The following ATG7 variants were observed in gnomAD, a reference collection of about 807,000 sequenced individuals.
ATG7 encodes the protein autophagy related 7.
A neutral mutation model predicts 82.4 loss-of-function variants in ATG7; 70 were observed. The observed-to-expected ratio is 0.85, with a 90% CI of 0.70 to 1.04. ATG7 has a LOEUF of 1.04. ATG7 is among the 50% of genes least tolerant of loss of function. The probability of loss-of-function intolerance (pLI) is 0.00; values close to 1 mark genes in which losing one functional copy is unlikely to be tolerated. For synonymous variants in ATG7, 287 were observed against 313.0 expected (o/e 0.92, Z 0.88); for missense variants, 792 against 864.3 (o/e 0.92, Z 1.05).
At chr3:11,353,322 G>C (rs1168633144) in intron 14 of ATG7, among the ~76,000 whole-genome samples, 1 of 152,090 alleles carries the variant, frequency 6.6e-6, no homozygotes. Flanking sequence ...GCGTGCACCT[G>C]TAGTCCCAGC....
intron 20 of ATG7, among the ~76,000 whole-genome samples, chr3:11,546,568 G>T (rs2071309752): frequency 6.6e-6 from 1 of 152,202 alleles, no homozygotes; most frequent in South Asian, 2.1e-4. Context: ...GTTTATAAAA[G>T]AAGAACCTTA....
At chr3:11,518,342 T>C (rs925782964) in intron 20 of ATG7, among the ~76,000 whole-genome samples, 1 of 152,118 alleles carries the variant, frequency 6.6e-6, no homozygotes, top group African/African-American at 2.4e-5. Flanking sequence ...GTCAAAGAGA[T>C]CGAGACCAGC....
intron 19 of ATG7, among the ~76,000 whole-genome samples, chr3:11,413,668 A>AT (rs772987914): frequency 5.3e-5 from 8 of 152,236 alleles, no homozygotes; most frequent in Non-Finnish European, 1.2e-4. Context: ...TTTTGCATTA[A>AT]TTTATAAGTG....
intron 15 of ATG7, 39 bp from the exon 16 acceptor site, chr3:11,360,542 G>A (rs1226804322): frequency 6.3e-7 from 1 of 1,580,410 alleles, no homozygotes; most frequent in East Asian, 2.2e-5. Flanking sequence ...AAATATATGT[G>A]TCTTTTAACT....
At chr3:11,299,541 C>A in intron 5 of ATG7, 125 bp downstream of exon 5, 2 of 930,236 alleles carry the variant, frequency 2.1e-6, no homozygotes, top group Non-Finnish European at 3.4e-6. Flanking sequence ...GCAGAGTCAG[C>A]CCCCCTCATG....
At chr3:11,426,657 T>A in intron 19 of ATG7, 147 bp from the exon 20 acceptor site, 2 of 647,344 alleles carry the variant, frequency 3.1e-6, no homozygotes, top group Non-Finnish European at 4.6e-6. Flanking sequence ...GCCGTACTAG[T>A]TTTTTGGCCA....
intron 11 of ATG7, among the ~76,000 whole-genome samples, chr3:11,337,496 A>G (rs925528367): frequency 6.6e-6 from 1 of 151,624 alleles, no homozygotes; most frequent in Non-Finnish European, 1.5e-5. Context: ...CTCTATATAT[A>G]TATATATAAT....
At chr3:11,279,838 G>C (rs968174418) in intron 1 of ATG7, among the ~76,000 whole-genome samples, 1 of 151,934 alleles carries the variant, frequency 6.6e-6, no homozygotes, top group African/African-American at 2.4e-5. Flanking sequence ...AGGCTATACT[G>C]TATTTGTTTT....
chr3:11,329,217 G>T (rs915786323), intron 9 of ATG7, among the ~76,000 whole-genome samples: 1 of 152,328 alleles, frequency 6.6e-6, no homozygotes, highest in East Asian at 1.9e-4. Flanking sequence ...TATACACCAA[G>T]ATGTTAATAG....
At chr3:11,423,316 C>G (rs1201546514) in intron 19 of ATG7, among the ~76,000 whole-genome samples, 1 of 152,134 alleles carries the variant, frequency 6.6e-6, no homozygotes, top group Admixed American at 6.6e-5. Flanking sequence ...TCAAAGACCA[C>G]TGATCACAGA....
intron 20 of ATG7, among the ~76,000 whole-genome samples, chr3:11,481,992 C>T (rs942783081): frequency 3.3e-5 from 5 of 152,152 alleles, no homozygotes; most frequent in African/African-American, 1.2e-4. Flanking sequence ...CCTTGAGGCT[C>T]CTCCTGTGAC....
intron 20 of ATG7, among the ~76,000 whole-genome samples, chr3:11,545,244 G>T (rs77328700): frequency 0.014 from 2,096 of 152,322 alleles, 42 homozygotes; most frequent in African/African-American, 0.048. Context: ...TGTGCAAGGG[G>T]AAGATTTTGA....
At chr3:11,412,349 G>A (rs1010631742) in intron 19 of ATG7, among the ~76,000 whole-genome samples, 2 of 151,280 alleles carry the variant, frequency 1.3e-5, no homozygotes, top group African/African-American at 4.9e-5. Context: ...AGCTTTAACA[G>A]CAGAAGGGTC....
At position 11,440,518 on chromosome 3, in the gene ATG7, G is replaced by T. The variant is rs200951717; in HGVS notation, c.2079+13592G>T. On this transcript the variant is annotated intron_variant, in intron 20 of 20. Transcript: ENST00000693202. Reference sequence around the variant, plus strand: ...TTTTTGTATTTTTAGTAGAGACGGGGTTTCACCGTTTTAGCCGGGATGGTC... The same window carrying T: ...TTTTTGTATTTTTAGTAGAGACGGGTTTTCACCGTTTTAGCCGGGATGGTC... 8.7e-4 allele frequency among the ~76,000 whole-genome samples: 129 copies of T among 148,692 alleles called. 2 individuals are homozygous for T. The East Asian group carries it at 0.021, about 24-fold the overall frequency.
At chr3:11,276,571 T>A (rs1458679473) in intron 1 of ATG7, among the ~76,000 whole-genome samples, 1 of 152,172 alleles carries the variant, frequency 6.6e-6, no homozygotes, top group Non-Finnish European at 1.5e-5. Flanking sequence ...CCTGCTCTCG[T>A]CCCACCACTC....
intron 20 of ATG7, among the ~76,000 whole-genome samples, chr3:11,468,014 G>A (rs979977598): frequency 1.3e-5 from 2 of 152,164 alleles, no homozygotes; most frequent in African/African-American, 4.8e-5. Context: ...TGTTCTTACA[G>A]TTGAGTTTCT....
intron 19 of ATG7, among the ~76,000 whole-genome samples, chr3:11,394,918 T>G (rs1384010235): frequency 6.6e-6 from 1 of 151,932 alleles, no homozygotes; most frequent in Non-Finnish European, 1.5e-5. Context: ...GTACCATAAG[T>G]GAGAGTTGGC....
intron 19 of ATG7, among the ~76,000 whole-genome samples, chr3:11,402,535 A>G (rs1459695584): frequency 2.0e-5 from 3 of 152,210 alleles, no homozygotes; most frequent in Non-Finnish European, 4.4e-5. Flanking sequence ...TGCACCCAAC[A>G]TGGCTGTGGA....
chr3:11,364,764 C>T, intron 18 of ATG7, 30 bp downstream of exon 18: 3 of 1,610,826 alleles, frequency 1.9e-6, no homozygotes, highest in Non-Finnish European at 2.5e-6. Context: ...AATCACAATT[C>T]TTTTGGTACA....
Sources: allele counts gnomAD v4.1 joint callset (sites outside exome capture counted in the v4.1 genomes callset), GRCh38; gene constraint gnomAD v4.1.1; transcripts MANE v1.5; gene names NCBI Gene and HGNC (gene_info 2026-07-23, HGNC 2026-07-21).